The following XIRP2 variants were observed in gnomAD, a reference collection of about 807,000 sequenced individuals.
XIRP2 encodes xin actin-binding repeat-containing protein 2.
In XIRP2, 236 loss-of-function variants were observed where a neutral mutation model predicts 277.0. The observed-to-expected ratio is 0.85, with a 90% CI of 0.77 to 0.95. XIRP2 has a LOEUF of 0.95. XIRP2 is among the 40% of genes least tolerant of loss of function. XIRP2 has a pLI of 0.00. For synonymous variants in XIRP2, 1,490 were observed against 1,416.5 expected (o/e 1.05, Z -1.17); for missense variants, 4,640 against 4,157.5 (o/e 1.12, Z -3.19).
At chr2:166,972,394 C>G (rs369311160) in intron 2 of XIRP2, among the ~76,000 whole-genome samples, 2 of 151,976 alleles carry the variant, frequency 1.3e-5, no homozygotes. Flanking sequence ...ATTAGCAGCT[C>G]GATGATGTCA....
At chr2:167,068,422 T>A (rs1276245895) in intron 2 of XIRP2, among the ~76,000 whole-genome samples, 1 of 152,190 alleles carries the variant, frequency 6.6e-6, no homozygotes, top group East Asian at 1.9e-4. Flanking sequence ...TGATTTTCAG[T>A]CATGTAGCCC....
chr2:167,200,237 G>A (rs1693640573), intron 3 of XIRP2, among the ~76,000 whole-genome samples: 2 of 152,142 alleles, frequency 1.3e-5, no homozygotes, highest in African/African-American at 4.8e-5. Context: ...TTTACCTTTG[G>A]TAGGTTGCCA....
At chr2:167,238,126 A>G (rs1472991952) in intron 5 of XIRP2, among the ~76,000 whole-genome samples, 4 of 152,214 alleles carry the variant, frequency 2.6e-5, no homozygotes, top group African/African-American at 9.6e-5. Flanking sequence ...AGGTGTTTGA[A>G]TAGAATTAAT....
In XIRP2 at chr2:167,101,777, T is replaced by G. The variant is rs183118888; in HGVS notation, c.409-34132T>G. On this transcript the variant is annotated intron_variant, in intron 2 of 10. Transcript: ENST00000409195. ...AGACTTACTTTTAATTTATATATTG[T>G]TTTGCAACATTTGAAATGTTTATGA... Among the ~76,000 whole-genome samples the G allele has an allele frequency of 1.8e-4, 28 of 152,328 alleles. 1 individual carries two copies. The East Asian group carries it at 5.0e-3, about 27-fold the overall frequency.
intron 2 of XIRP2, among the ~76,000 whole-genome samples, chr2:167,035,558 T>G (rs1688487440): frequency 6.6e-6 from 1 of 152,142 alleles, no homozygotes; most frequent in Admixed American, 6.6e-5. Context: ...CAGCAAAGCA[T>G]TCAAGAGGTG....
In XIRP2 at chr2:167,021,169, CCTT is replaced by C. The variant is rs576639371; in HGVS notation, c.409-114737_409-114735del. ...GATATATAATCATTTTGGCACCTAT[CCTT>C]CTAGAAAAGCTGTGCTTTCAGGTGT... On this transcript the variant is annotated intron_variant, in intron 2 of 10. Coordinates refer to ENST00000409195, the MANE Select transcript of XIRP2 (RefSeq NM_152381.6). Among the ~76,000 whole-genome samples the C allele has an allele frequency of 4.6e-5, 7 of 152,142 alleles. No homozygotes were observed. The South Asian group carries it at 1.2e-3, about 27-fold the overall frequency.
intron 10 of XIRP2, 145 bp downstream of exon 10, chr2:167,254,310 T>C: frequency 9.5e-7 from 1 of 1,047,778 alleles, no homozygotes; most frequent in Non-Finnish European, 1.3e-6. Flanking sequence ...GCTCATGTTC[T>C]GTGATGTATT....
chr2:166,947,555 T>C (rs1685910181), intron 2 of XIRP2, among the ~76,000 whole-genome samples: 1 of 152,194 alleles, frequency 6.6e-6, no homozygotes, highest in African/African-American at 2.4e-5. Context: ...TGTGTTCATT[T>C]TATTTTTAGC....
intron 2 of XIRP2, among the ~76,000 whole-genome samples, chr2:167,010,090 T>A (rs1687623408): frequency 1.3e-5 from 2 of 152,110 alleles, no homozygotes. Flanking sequence ...TTTGTCAATT[T>A]TGTCTTTTGT....
intron 2 of XIRP2, among the ~76,000 whole-genome samples, chr2:166,974,362 T>C (rs1686656956): frequency 6.6e-6 from 1 of 152,120 alleles, no homozygotes; most frequent in African/African-American, 2.4e-5. Context: ...AATGATAATA[T>C]GTGGATAAAT....
At chr2:167,035,844 C>T (rs1390192346) in intron 2 of XIRP2, among the ~76,000 whole-genome samples, 2 of 152,192 alleles carry the variant, frequency 1.3e-5, no homozygotes, top group Non-Finnish European at 2.9e-5. Flanking sequence ...ATGGGTTTAA[C>T]CCATGGCCCC....
rs549509242 is a variant in XIRP2, at chr2:167,209,216, A to G, written c.563-1519A>G. 2.0e-5 allele frequency among the ~76,000 whole-genome samples: 3 copies of G among 152,336 alleles called. No homozygotes were observed. In the East Asian group the frequency reaches 5.8e-4, roughly 29 times the overall value. ...AAGTATTTTTACTATTTTAATTACA[A>G]TATATGAAAGTGTTTACTGAATAAG... On this transcript the variant is annotated intron_variant, in intron 3 of 10. Transcript: ENST00000409195.
At chr2:167,010,785 C>A (rs922428904) in intron 2 of XIRP2, among the ~76,000 whole-genome samples, 1 of 152,002 alleles carries the variant, frequency 6.6e-6, no homozygotes, top group African/African-American at 2.4e-5. Context: ...AGGTCCTTCA[C>A]GTCCCTTGTA....
intron 5 of XIRP2, among the ~76,000 whole-genome samples, chr2:167,227,803 A>G (rs1474867915): frequency 6.6e-6 from 1 of 152,166 alleles, no homozygotes; most frequent in African/African-American, 2.4e-5. Context: ...AATCAGAACA[A>G]AAATAAAGGA....
chr2:167,031,531 A>T (rs527505475), intron 2 of XIRP2, among the ~76,000 whole-genome samples: 33 of 152,090 alleles, frequency 2.2e-4, no homozygotes, highest in Admixed American at 1.9e-3. Flanking sequence ...CTGTTTGCAG[A>T]TGACAACTGT....
rs373000528 is a variant in XIRP2, at chr2:167,249,020, C to T, written c.7628C>T (p.Pro2543Leu). ...PKPYMRKFKT[P>L]LMIAEEKYRQ... The stretch of plus-strand genomic sequence containing the variant: ...CCTTATATGAGAAAATTTAAGACAC[C>T]TTTAATGATTGCTGAAGAAAAATAT... Residue 2543 changes from proline to leucine, a missense_variant, in exon 9 of 11, where the codon CCT becomes CTT. By Grantham distance (98) the Pro-to-Leu change is moderately conservative. Coordinates refer to ENST00000409195, the MANE Select transcript of XIRP2 (RefSeq NM_152381.6). 855 of 1,611,528 alleles carry T rather than the reference C, an allele frequency of 5.3e-4. 6 individuals carry two copies. In the South Asian group the frequency reaches 9.0e-3, roughly 17 times the overall value.
At chr2:167,162,162 T>A (rs986585880) in intron 3 of XIRP2, among the ~76,000 whole-genome samples, 7 of 152,204 alleles carry the variant, frequency 4.6e-5, no homozygotes, top group African/African-American at 1.7e-4. Flanking sequence ...AACAAGTCTC[T>A]AGGGAGTCCC....
intron 1 of XIRP2, among the ~76,000 whole-genome samples, chr2:166,895,867 T>C (rs948091619): frequency 6.6e-6 from 1 of 152,190 alleles, no homozygotes; most frequent in Admixed American, 6.5e-5. Flanking sequence ...TTAAATGTAA[T>C]AGTGATTAAC....
intron 2 of XIRP2, among the ~76,000 whole-genome samples, chr2:167,004,476 G>A (rs1657744997): frequency 6.6e-6 from 1 of 151,806 alleles, no homozygotes. Flanking sequence ...ATGCAGCTAA[G>A]AACTTTAGAA....
Sources: gnomAD v4.1 joint callset for allele counts (sites outside exome capture counted in the v4.1 genomes callset) on GRCh38, gnomAD v4.1.1 for gene constraint, MANE v1.5 for transcripts, NCBI Gene and HGNC (gene_info 2026-07-23, HGNC 2026-07-21) for gene names.